SMU1: variants seen among roughly 807,000 people sequenced by gnomAD.
The protein encoded by SMU1 is WD40 repeat-containing protein SMU1.
A neutral mutation model predicts 62.0 loss-of-function variants in SMU1; 2 were observed. The observed-to-expected ratio is 0.03, with a 90% CI of 0.01 to 0.10. SMU1 has a LOEUF of 0.10. Among genes scored for constraint, SMU1 ranks in the 10% least tolerant of loss-of-function variants. The pLI is 1.00. For missense variants in SMU1, 227 were observed against 622.1 expected (o/e 0.36, Z 6.76); for synonymous variants, 188 against 212.4 (o/e 0.89, Z 1.00).
chr9:33,072,604 G>A (rs1839498923), intron 2 of SMU1, among the ~76,000 whole-genome samples: 1 of 152,084 alleles, frequency 6.6e-6, no homozygotes, highest in Non-Finnish European at 1.5e-5. Context: ...GCTGAGGCAG[G>A]TGGATCACTT....
intron 1 of SMU1, among the ~76,000 whole-genome samples, chr9:33,076,092 C>T (rs1839542973): frequency 6.6e-6 from 1 of 152,066 alleles, no homozygotes; most frequent in Non-Finnish European, 1.5e-5. Context: ...TCCTAGGCAC[C>T]GACAAAGGCT....
chr9:33,076,448 G>C (rs1395779943), intron 1 of SMU1, 135 bp downstream of exon 1: 2 of 1,091,222 alleles, frequency 1.8e-6, no homozygotes, highest in Admixed American at 3.7e-5. Context: ...CGAGATCCAA[G>C]ATGCTTCTTT....
intron 10 of SMU1, among the ~76,000 whole-genome samples, chr9:33,050,519 A>G (rs1206886805): frequency 1.3e-5 from 2 of 150,230 alleles, no homozygotes; most frequent in African/African-American, 2.5e-5. Context: ...AAATGTTATT[A>G]AGCACTTAAA....
chr9:33,075,642 T>C (rs1056273735), intron 1 of SMU1, among the ~76,000 whole-genome samples: 8 of 152,226 alleles, frequency 5.3e-5, no homozygotes, highest in African/African-American at 9.7e-5. Context: ...GCTTTGAAGA[T>C]AGTCTGGGAT....
At chr9:33,066,174 T>C (rs1170276398) in intron 4 of SMU1, among the ~76,000 whole-genome samples, 2 of 151,706 alleles carry the variant, frequency 1.3e-5, no homozygotes, top group Non-Finnish European at 2.9e-5. Context: ...CTCTAAATAT[T>C]TGAGGAAAAC....
rs2274767 is a variant in SMU1 at position 33,047,400 on chromosome 9, T to C, written c.1444-9A>G. On this transcript the variant is annotated splice_polypyrimidine_tract_variant and intron_variant, in intron 11 of 11. Coordinates refer to ENST00000397149, the MANE Select transcript of SMU1 (RefSeq NM_018225.3). Reference sequence around the variant, plus strand: ...ACATCCTTCTCGTGCACCTGGAACATGTAAAGCACAGGGTTAGGATGTACA... The same window carrying C: ...ACATCCTTCTCGTGCACCTGGAACACGTAAAGCACAGGGTTAGGATGTACA... 0.4 allele frequency: 641,577 copies of C among 1,608,198 alleles called. 130,525 individuals carry two copies. The highest frequency in any genetic ancestry group is 0.48 in the African/African-American group (36,106 of 74,752).
At chr9:33,069,442 T>C (rs1839462092) in intron 3 of SMU1, among the ~76,000 whole-genome samples, 1 of 152,242 alleles carries the variant, frequency 6.6e-6, no homozygotes, top group African/African-American at 2.4e-5. Context: ...TATTATCCAG[T>C]GCCTATTAAG....
At chr9:33,059,762 G>A (rs74726311) in intron 6 of SMU1, among the ~76,000 whole-genome samples, 16,648 of 149,890 alleles carry the variant, frequency 0.11, 1,123 homozygotes, top group Non-Finnish European at 0.15. Context: ...CCCACCACCA[G>A]GCCCAGCTAA....
At position 33,043,755 on chromosome 9, in the gene SMU1, G is replaced by C. The variant is rs2119409860; in HGVS notation, c.*3538C>G. 6.6e-6 allele frequency: 1 copy of C among 152,316 alleles called. No individual in the cohort carries two copies. Among genetic ancestry groups the C allele is most frequent in the African/African-American group, 2.4e-5 (1 of 41,556 alleles). The allele number at this position is 152,316 out of a possible 1,614,324, so 9.4% of individuals were successfully genotyped here. ...AAACCTAGCTTCGGAGTCACATCTG[G>C]TTTTCAATGCGAGCTTCGTGCAAGT... is the stretch of plus-strand genomic sequence containing the variant. On this transcript the variant is annotated 3_prime_UTR_variant, in exon 12 of 12. Transcript: ENST00000397149.
At chr9:33,072,259 C>T (rs1386668493) in intron 2 of SMU1, among the ~76,000 whole-genome samples, 2 of 151,562 alleles carry the variant, frequency 1.3e-5, no homozygotes, top group African/African-American at 2.4e-5. Context: ...ATTGCTTGAA[C>T]CCGAGAGGCG....
Position 33,076,617 on chromosome 9 carries a change from C to A in SMU1, c.-9G>T, listed in dbSNP as rs1309672124. On this transcript the variant is annotated 5_prime_UTR_variant, in exon 1 of 12. Coordinates refer to ENST00000397149, the MANE Select transcript of SMU1 (RefSeq NM_018225.3). ...TCGATTTCGATCGACATAGCCGTATCTCTCCGGGAGCAGGCCCCAGCTCTC... is the reference window on the plus strand; with the variant it reads ...TCGATTTCGATCGACATAGCCGTATATCTCCGGGAGCAGGCCCCAGCTCTC... 3 of 1,613,842 alleles carry A rather than the reference C, an allele frequency of 1.9e-6. No homozygotes were observed. The highest frequency in any genetic ancestry group is 3.3e-5 in the Admixed American group (2 of 60,002).
chr9:33,052,913 T>C (rs1839265491), intron 10 of SMU1, among the ~76,000 whole-genome samples: 1 of 152,196 alleles, frequency 6.6e-6, no homozygotes, highest in South Asian at 2.1e-4. Flanking sequence ...GTGCTTAATA[T>C]ACAAACATCC....
At chr9:33,052,708 C>A (rs1036587262) in intron 10 of SMU1, among the ~76,000 whole-genome samples, 8 of 152,154 alleles carry the variant, frequency 5.3e-5, no homozygotes, top group Non-Finnish European at 1.0e-4. Flanking sequence ...AAAAATACAC[C>A]GAGGACACTG....
intron 10 of SMU1, among the ~76,000 whole-genome samples, chr9:33,051,370 C>T (rs371182233): frequency 1.3e-5 from 2 of 152,084 alleles, no homozygotes; most frequent in Non-Finnish European, 2.9e-5. Context: ...CTACTCTGTA[C>T]AATTCTCTAA....
intron 10 of SMU1, among the ~76,000 whole-genome samples, chr9:33,048,868 T>C (rs1587705573): frequency 1.3e-5 from 2 of 152,200 alleles, no homozygotes; most frequent in South Asian, 4.1e-4. Flanking sequence ...TAAAACATGA[T>C]ACCATTTACA....
rs757148337 is a variant in SMU1, at chr9:33,068,807, T to A, written c.501+17A>T. The A allele has an allele frequency of 6.2e-7, 1 of 1,613,348 alleles. No individual in the cohort carries two copies. Among genetic ancestry groups the A allele is most frequent in the Non-Finnish European group, 8.5e-7 (1 of 1,179,762 alleles). On this transcript the variant is annotated intron_variant, in intron 4 of 11. Transcript: ENST00000397149. Reference sequence around the variant, plus strand: ...GGTGTGAGCCACCACACCTGGCCTCTACAGGAATTGAATTACCTGTCCCAG... The same window carrying A: ...GGTGTGAGCCACCACACCTGGCCTCAACAGGAATTGAATTACCTGTCCCAG...
rs139465797 is a variant in SMU1 at position 33,071,936 on chromosome 9, C to A, written c.238-44G>T. The A allele has an allele frequency of 2.5e-4, 376 of 1,478,072 alleles. 1 individual carries two copies. In the African/African-American group the frequency reaches 4.9e-3, roughly 19 times the overall value. The allele number at this position is 1,478,072 out of a possible 1,614,324, so 91.6% of individuals were successfully genotyped here. A position where few individuals can be genotyped will look rare whatever the true frequency, so the allele number is the denominator to read the frequency against. On this transcript the variant is annotated intron_variant, in intron 2 of 11. Coordinates refer to ENST00000397149, the MANE Select transcript of SMU1 (RefSeq NM_018225.3). ...ACAAAAAAAACCCCAGATGTTTCAA[C>A]ACACCGTCTTATTAATATTTTTCGG...
intron 10 of SMU1, 97 bp from the exon 11 acceptor site, chr9:33,048,355 C>T (rs1346530729): frequency 6.7e-7 from 1 of 1,492,398 alleles, no homozygotes; most frequent in Non-Finnish European, 9.1e-7. Context: ...TGTTATTTTG[C>T]ACTTTGGTTT....
In SMU1 at chr9:33,045,443, G is replaced by C. The variant is rs947215784; in HGVS notation, c.*1850C>G. ...AAATGGGAAATGTGTTATAGAATAT[G>C]ACTGGGAAAGAGGGATTTCTTAGTG... On this transcript the variant is annotated 3_prime_UTR_variant, in exon 12 of 12. Coordinates refer to ENST00000397149, the MANE Select transcript of SMU1 (RefSeq NM_018225.3). The C allele has an allele frequency of 3.9e-5, 6 of 152,252 alleles. No homozygotes were observed. Among genetic ancestry groups the C allele is most frequent in the Admixed American group, 3.9e-4 (6 of 15,286 alleles). 9.4% of individuals were successfully genotyped at this position (152,252 alleles called of 1,614,324 possible).
Sources: allele counts gnomAD v4.1 joint callset (sites outside exome capture counted in the v4.1 genomes callset), GRCh38; gene constraint gnomAD v4.1.1; transcripts MANE v1.5; gene names NCBI Gene and HGNC (gene_info 2026-07-23, HGNC 2026-07-21).